Variants in SMYD3 observed in about 807,000 individuals in gnomAD.
SMYD3 encodes histone-lysine N-methyltransferase SMYD3.
In SMYD3, 36 loss-of-function variants were observed where a neutral mutation model predicts 57.7. The observed-to-expected ratio is 0.62, with a 90% CI of 0.48 to 0.82. The LOEUF is 0.82. SMYD3 is among the 40% of genes least tolerant of loss of function. The pLI is 0.00. For synonymous variants in SMYD3, 211 were observed against 195.0 expected (o/e 1.08, Z -0.68); for missense variants, 515 against 538.8 (o/e 0.96, Z 0.44).
At chr1:245,904,995 G>A (rs145444582) in intron 8 of SMYD3, among the ~76,000 whole-genome samples, 68 of 151,884 alleles carry the variant, frequency 4.5e-4, no homozygotes, top group African/African-American at 1.2e-3. Context: ...ACTCTGAGCC[G>A]GAAGGGAAGC....
intron 1 of SMYD3, among the ~76,000 whole-genome samples, chr1:246,365,610 C>T (rs1300349848): frequency 6.6e-6 from 1 of 151,572 alleles, no homozygotes; most frequent in African/African-American, 2.4e-5. Context: ...TTTTAATCTC[C>T]TCGACTCTCC....
rs138389524 is a variant in SMYD3 at position 246,501,561 on chromosome 1, T to C, written c.164+5493A>G. Among the ~76,000 whole-genome samples the C allele has an allele frequency of 5.1e-3, 770 of 152,278 alleles. 4 individuals carry two copies. Among genetic ancestry groups the C allele is most frequent in the African/African-American group, 0.017 (689 of 41,544 alleles). On this transcript the variant is annotated intron_variant, in intron 1 of 11. Coordinates refer to ENST00000490107, the MANE Select transcript of SMYD3 (RefSeq NM_001167740.2). ...TGACCACATGAGGACCTCTAATCCA[T>C]TGATTCGGCCACATTTCACTGGCCA...
chr1:245,884,082 A>G (rs2052942874), intron 8 of SMYD3, among the ~76,000 whole-genome samples: 1 of 152,234 alleles, frequency 6.6e-6, no homozygotes, highest in Admixed American at 6.5e-5. Flanking sequence ...GAGATCAGAC[A>G]GATGAAAAAG....
rs1488675917 is a variant in SMYD3 at position 246,355,092 on chromosome 1, TTCC to T, written c.165-1_166del. Reference sequence around the variant, plus strand: ...CTGAGAGCATCGCATCAGCTTTTCCTTCCTGTGGGGAAAAAAATTAATTCTGCA... The same window carrying T: ...CTGAGAGCATCGCATCAGCTTTTCCTTGTGGGGAAAAAAATTAATTCTGCA... On this transcript the variant is annotated splice_acceptor_variant and coding_sequence_variant, in exon 2 of 12. Coordinates refer to ENST00000490107, the MANE Select transcript of SMYD3 (RefSeq NM_001167740.2). LOFTEE classifies it high-confidence loss of function. The surrounding 1 kb of genome is among the most constrained non-coding windows in gnomAD (Gnocchi z 5.0). 6.2e-7 allele frequency: 1 copy of T among 1,614,104 alleles called. No homozygotes were observed. Among genetic ancestry groups the T allele is most frequent in the Non-Finnish European group, 8.5e-7 (1 of 1,179,964 alleles).
At chr1:246,476,570 T>A (rs1258461583) in intron 1 of SMYD3, among the ~76,000 whole-genome samples, 1 of 152,130 alleles carries the variant, frequency 6.6e-6, no homozygotes, top group Non-Finnish European at 1.5e-5. Context: ...AAGAAAGGGG[T>A]GATATTTAAC....
intron 5 of SMYD3, among the ~76,000 whole-genome samples, chr1:245,957,730 C>T (rs540497033): frequency 1.3e-4 from 20 of 152,284 alleles, no homozygotes; most frequent in Admixed American, 3.3e-4. Context: ...CTTCCCTGAC[C>T]TTTTGTCTAC....
chr1:246,351,471 G>A (rs1351870106), intron 2 of SMYD3, among the ~76,000 whole-genome samples: 3 of 152,152 alleles, frequency 2.0e-5, no homozygotes, highest in Non-Finnish European at 4.4e-5. Context: ...ATAATCATGT[G>A]TGATGTTCTG....
intron 1 of SMYD3, among the ~76,000 whole-genome samples, chr1:246,410,326 T>C (rs1188165987): frequency 1.3e-5 from 2 of 152,212 alleles, no homozygotes; most frequent in Non-Finnish European, 2.9e-5. Context: ...ATAGCTCTTA[T>C]TGTTTTGAGA....
intron 1 of SMYD3, among the ~76,000 whole-genome samples, chr1:246,478,853 A>G (rs4654266): frequency 0.028 from 664 of 23,580 alleles, 127 homozygotes; most frequent in East Asian, 0.18. Context: ...GAGCTGGTAC[A>G]TAAGTGCTCA....
At chr1:245,825,342 C>T (rs925142658) in intron 10 of SMYD3, among the ~76,000 whole-genome samples, 3 of 152,200 alleles carry the variant, frequency 2.0e-5, no homozygotes, top group Non-Finnish European at 4.4e-5. Flanking sequence ...TTAAGTCCCT[C>T]TTCAGTTGTT....
intron 5 of SMYD3, among the ~76,000 whole-genome samples, chr1:246,174,880 C>T (rs1227953999): frequency 6.6e-6 from 1 of 152,152 alleles, no homozygotes; most frequent in Non-Finnish European, 1.5e-5. Context: ...ATAACGTTTG[C>T]TCTGATCACC....
intron 5 of SMYD3, among the ~76,000 whole-genome samples, chr1:245,940,752 C>G (rs1271867190): frequency 6.6e-6 from 1 of 152,148 alleles, no homozygotes; most frequent in Non-Finnish European, 1.5e-5. Context: ...GCCATAGTGC[C>G]TCTTCTCCTT....
At chr1:246,472,208 G>A (rs1356718821) in intron 1 of SMYD3, among the ~76,000 whole-genome samples, 2 of 151,988 alleles carry the variant, frequency 1.3e-5, no homozygotes, top group Non-Finnish European at 2.9e-5. Flanking sequence ...CATACAGAAC[G>A]TGCCATAGGT....
chr1:245,925,518 G>A (rs1312328645), intron 7 of SMYD3, among the ~76,000 whole-genome samples: 1 of 152,110 alleles, frequency 6.6e-6, no homozygotes, highest in Admixed American at 6.6e-5. Context: ...TAGTTGTTGG[G>A]GGATGGCTAC....
chr1:246,285,680 A>T (rs7552866), intron 5 of SMYD3, among the ~76,000 whole-genome samples: 34 of 152,106 alleles, frequency 2.2e-4, no homozygotes, highest in South Asian at 1.0e-3. Context: ...GCATGGCAAA[A>T]GGAACAGTCA....
At chr1:246,360,595 T>G (rs1031391505) in intron 1 of SMYD3, among the ~76,000 whole-genome samples, 2 of 152,088 alleles carry the variant, frequency 1.3e-5, no homozygotes, top group Non-Finnish European at 2.9e-5. Context: ...ATAGTACTGT[T>G]ATAAAAATAG....
At chr1:246,207,361 G>T (rs927554848) in intron 5 of SMYD3, among the ~76,000 whole-genome samples, 2 of 151,942 alleles carry the variant, frequency 1.3e-5, no homozygotes, top group African/African-American at 4.8e-5. Flanking sequence ...CGTTTTCATC[G>T]TTATCAGTGG....
At chr1:245,792,827 G>A (rs1320053040) in intron 10 of SMYD3, among the ~76,000 whole-genome samples, 1 of 152,138 alleles carries the variant, frequency 6.6e-6, no homozygotes, top group South Asian at 2.1e-4. Context: ...CAAAGACAAC[G>A]AAGTCTCCTC....
chr1:246,483,654 A>C (rs565823040), intron 1 of SMYD3: 2 of 152,370 alleles, frequency 1.3e-5, no homozygotes, highest in Non-Finnish European at 2.9e-5. Context: ...CTCTGATACA[A>C]TTGTGGCTCT....
Sources: allele counts gnomAD v4.1 joint callset (sites outside exome capture counted in the v4.1 genomes callset), GRCh38; gene constraint gnomAD v4.1.1; non-coding constraint Gnocchi (gnomAD v3.1); transcripts MANE v1.5; gene names NCBI Gene and HGNC (gene_info 2026-07-23, HGNC 2026-07-21).